Variants in METTL16 observed in about 807,000 individuals in gnomAD.
METTL16 encodes the protein RNA N(6)-adenosine-methyltransferase METTL16.
METTL16 carries 19 observed loss-of-function variants against 57.9 expected under a neutral mutation model. The observed-to-expected ratio is 0.33, with a 90% CI of 0.23 to 0.48. METTL16 has a LOEUF of 0.48. Among genes scored for constraint, METTL16 ranks in the 20% least tolerant of loss-of-function variants. METTL16 has a pLI of 0.99. For synonymous variants in METTL16, 246 were observed against 255.6 expected, an observed-to-expected ratio of 0.96 and a Z score of 0.36; for missense variants, 434 against 691.5, an observed-to-expected ratio of 0.63 and a Z score of 4.18.
chr17:2,427,923 G>A (rs532798176), intron 8 of METTL16, among the ~76,000 whole-genome samples: 9 of 148,636 alleles, frequency 6.1e-5, no homozygotes, highest in Admixed American at 4.7e-4. Flanking sequence ...AGACCAGCTT[G>A]GGCAACATGG....
chr17:2,484,569 A>G (rs2067328467), intron 2 of METTL16, among the ~76,000 whole-genome samples: 1 of 151,444 alleles, frequency 6.6e-6, no homozygotes, highest in African/African-American at 2.4e-5. Context: ...ATATCAGCTC[A>G]CTGCAACCTC....
At chr17:2,435,429 A>C (rs1233580099) in intron 8 of METTL16, among the ~76,000 whole-genome samples, 1 of 152,094 alleles carries the variant, frequency 6.6e-6, no homozygotes, top group African/African-American at 2.4e-5. Context: ...TTTTCAAAAA[A>C]CGAGGGTGGG....
intron 8 of METTL16, among the ~76,000 whole-genome samples, chr17:2,429,731 C>T (rs1025417181): frequency 5.9e-5 from 9 of 151,932 alleles, no homozygotes; most frequent in African/African-American, 1.9e-4. Context: ...ATACCACATA[C>T]CACCTGCAAA....
At chr17:2,433,851 C>T (rs9894531) in intron 8 of METTL16, among the ~76,000 whole-genome samples, 4,912 of 152,204 alleles carry the variant, frequency 0.032, 295 homozygotes, top group African/African-American at 0.11. Context: ...CAGACGCTGG[C>T]GACTCCTCCT....
At chr17:2,422,750 G>A (rs575506111) in intron 8 of METTL16, among the ~76,000 whole-genome samples, 109 of 152,198 alleles carry the variant, frequency 7.2e-4, no homozygotes, top group African/African-American at 2.4e-3. Flanking sequence ...TTCGGAGGCC[G>A]AGGCGGCCGG....
chr17:2,482,246 A>C (rs1022136832), intron 2 of METTL16, among the ~76,000 whole-genome samples: 1 of 152,206 alleles, frequency 6.6e-6, no homozygotes, highest in Non-Finnish European at 1.5e-5. Context: ...CATACGTAAC[A>C]AAATCAATTT....
intron 1 of METTL16, among the ~76,000 whole-genome samples, chr17:2,505,226 C>T (rs2067521560): frequency 6.6e-6 from 1 of 150,730 alleles, no homozygotes; most frequent in South Asian, 2.1e-4. Context: ...TATTTTTTAC[C>T]TTTTAAATAA....
chr17:2,502,181 G>C lies in METTL16; in HGVS notation c.128+23C>G, dbSNP rs751777724. 4 of 1,609,708 alleles carry C rather than the reference G, an allele frequency of 2.5e-6. No individual in the cohort carries two copies. In the South Asian group the frequency reaches 3.3e-5, roughly 13 times the overall value. ...CCATTTGAATCACACAAGAATAACA[G>C]TGATTTTTCATCCGTTACCTACCTC... On this transcript the variant is annotated intron_variant, in intron 2 of 9. Transcript: ENST00000263092.
chr17:2,502,156 C>A, intron 2 of METTL16, 48 bp downstream of exon 2: 1 of 1,588,734 alleles, frequency 6.3e-7, no homozygotes, highest in Non-Finnish European at 8.6e-7. Flanking sequence ...TACATCATAT[C>A]CATTTGAATC....
At chr17:2,422,801 T>C (rs2066777111) in intron 8 of METTL16, among the ~76,000 whole-genome samples, 1 of 151,264 alleles carries the variant, frequency 6.6e-6, no homozygotes, top group Admixed American at 6.6e-5. Flanking sequence ...CTGGCCAACA[T>C]GGTGAAACCC....
chr17:2,477,926 T>A, intron 2 of METTL16, 41 bp from the exon 3 acceptor site: 1 of 1,543,540 alleles, frequency 6.5e-7, no homozygotes. Flanking sequence ...ATTAGTAAGA[T>A]TCACTATGTT....
intron 2 of METTL16, among the ~76,000 whole-genome samples, chr17:2,487,968 G>T (rs1000152506): frequency 6.6e-6 from 1 of 151,820 alleles, no homozygotes; most frequent in Non-Finnish European, 1.5e-5. Context: ...TCGCATCACT[G>T]TATTCCAGCC....
Position 2,467,410 on chromosome 17 carries a change from C to A in METTL16, c.585+351G>T, listed in dbSNP as rs1310660765. Among the ~76,000 whole-genome samples, 8 of 152,142 alleles carry A rather than the reference C, an allele frequency of 5.3e-5. No homozygotes were observed. The East Asian group carries it at 1.4e-3, about 26-fold the overall frequency. On this transcript the variant is annotated intron_variant, in intron 5 of 9. Transcript: ENST00000263092. ...AAAGTTTTCTTTGCTCTTATCTGTG[C>A]AAATAAGGCAAATTTAGATTTTTTT...
chr17:2,460,120 C>T (rs935835703), intron 6 of METTL16: 1 of 152,106 alleles, frequency 6.6e-6, no homozygotes, highest in Non-Finnish European at 1.5e-5. Context: ...CAAGCAACAC[C>T]CTTTCACAAA....
intron 6 of METTL16, among the ~76,000 whole-genome samples, chr17:2,461,512 G>A (rs2067149857): frequency 6.6e-6 from 1 of 151,634 alleles, no homozygotes; most frequent in South Asian, 2.1e-4. Context: ...GGTAGTAGTA[G>A]CTCCTGTAGC....
At chr17:2,463,711 C>T (rs942210913) in intron 6 of METTL16, among the ~76,000 whole-genome samples, 10 of 152,042 alleles carry the variant, frequency 6.6e-5, no homozygotes, top group Admixed American at 2.6e-4. Context: ...CTGCCCACCT[C>T]GGCCTCCCAA....
intron 1 of METTL16, among the ~76,000 whole-genome samples, chr17:2,508,541 C>G (rs1002600039): frequency 6.6e-6 from 1 of 152,172 alleles, no homozygotes; most frequent in African/African-American, 2.4e-5. Context: ...ACACCAGGTC[C>G]TGAATACTCC....
Position 2,449,025 on chromosome 17 carries a change from C to CA in METTL16, c.729-7467dup, listed in dbSNP as rs576780337. Among the ~76,000 whole-genome samples, 206 of 89,124 alleles carry CA rather than the reference C, an allele frequency of 2.3e-3. 1 individual carries two copies. The highest frequency in any genetic ancestry group is 0.012 in the South Asian group (36 of 2,968). The allele number at this position is 89,124 out of a possible 152,430, so 58.5% of individuals were successfully genotyped here. Reference sequence around the variant, plus strand: ...CTAGTGACAGAGCAAGACTCCGTCTCAAAAAAAAAAAAAAGTAAAATACTA... The same window carrying CA: ...CTAGTGACAGAGCAAGACTCCGTCTCAAAAAAAAAAAAAAAGTAAAATACTA... On this transcript the variant is annotated intron_variant, in intron 6 of 9. Coordinates refer to ENST00000263092, the MANE Select transcript of METTL16 (RefSeq NM_024086.4).
intron 3 of METTL16, among the ~76,000 whole-genome samples, chr17:2,475,671 A>G (rs2067264461): frequency 6.6e-6 from 1 of 152,252 alleles, no homozygotes; most frequent in Admixed American, 6.5e-5. Context: ...AAATCCCCTC[A>G]GAAAGCCAAA....
Sources: allele counts gnomAD v4.1 joint callset (sites outside exome capture counted in the v4.1 genomes callset), GRCh38; gene constraint gnomAD v4.1.1; transcripts MANE v1.5; gene names NCBI Gene and HGNC (gene_info 2026-07-23, HGNC 2026-07-21).